The following RALGPS2 variants were observed in gnomAD, a reference collection of about 807,000 sequenced individuals.
RALGPS2 encodes ras-specific guanine nucleotide-releasing factor RalGPS2.
In RALGPS2, 43 loss-of-function variants were observed where a neutral mutation model predicts 86.8. That is an observed-to-expected ratio of 0.50 (90% confidence interval 0.39 to 0.64). The LOEUF (loss-of-function observed/expected upper bound fraction) is 0.64, where lower values mean the gene tolerates loss of function less well. Among genes scored for constraint, RALGPS2 ranks in the 30% least tolerant of loss-of-function variants. The pLI is 0.00. For missense variants in RALGPS2, 536 were observed against 694.6 expected (o/e 0.77, Z 2.57); for synonymous variants, 243 against 231.3 (o/e 1.05, Z -0.46).
intron 8 of RALGPS2, among the ~76,000 whole-genome samples, chr1:178,870,172 G>A (rs1450317587): frequency 1.3e-5 from 2 of 152,130 alleles, no homozygotes; most frequent in South Asian, 2.1e-4. Flanking sequence ...AAATGCCATA[G>A]ATTAATCTTA....
At chr1:178,902,994 A>T (rs1660240790) in intron 18 of RALGPS2, among the ~76,000 whole-genome samples, 1 of 152,128 alleles carries the variant, frequency 6.6e-6, no homozygotes, top group Non-Finnish European at 1.5e-5. Flanking sequence ...GTATAATCAC[A>T]TCATATGTTC....
chr1:178,745,261 A>G lies in RALGPS2; in HGVS notation c.-84+19842A>G, dbSNP rs908787947. Reference sequence around the variant, plus strand: ...TTTTGGCGGTGGGGTGGGGGAATAGAAATTGGCAAGCTGATTCTAAAATTC... The same window carrying G: ...TTTTGGCGGTGGGGTGGGGGAATAGGAATTGGCAAGCTGATTCTAAAATTC... On this transcript the variant is annotated intron_variant, in intron 1 of 19. Coordinates refer to ENST00000367635, the MANE Select transcript of RALGPS2 (RefSeq NM_152663.5). Among the ~76,000 whole-genome samples, 16 of 147,986 alleles carry G rather than the reference A, an allele frequency of 1.1e-4. 1 individual carries two copies. The highest frequency in any genetic ancestry group is 4.6e-4 in the Admixed American group (7 of 15,110).
Position 178,849,481 on chromosome 1 carries a change from G to A in RALGPS2, c.607+15931G>A, listed in dbSNP as rs183065641. 1.8e-3 allele frequency among the ~76,000 whole-genome samples: 274 copies of A among 152,272 alleles called. 1 individual carries two copies. Among genetic ancestry groups the A allele is most frequent in the African/African-American group, 3.5e-3 (146 of 41,554 alleles). ...TATTCTTCTGTGAAAATTCTGTAAG[G>A]CTTGTCTTTGATAAAGTTTTGGGTG... On this transcript the variant is annotated intron_variant, in intron 8 of 19. Coordinates refer to ENST00000367635, the MANE Select transcript of RALGPS2 (RefSeq NM_152663.5).
intron 1 of RALGPS2, among the ~76,000 whole-genome samples, chr1:178,745,702 T>C (rs1651276886): frequency 6.6e-6 from 1 of 152,146 alleles, no homozygotes; most frequent in Admixed American, 6.6e-5. Flanking sequence ...ATCTTTATCT[T>C]GAGTCAAGCA....
intron 1 of RALGPS2, among the ~76,000 whole-genome samples, chr1:178,732,874 G>C (rs1008313275): frequency 4.0e-5 from 6 of 151,860 alleles, no homozygotes; most frequent in African/African-American, 1.5e-4. Flanking sequence ...TTGCATTCCT[G>C]AGTTAAACCC....
intron 19 of RALGPS2, among the ~76,000 whole-genome samples, chr1:178,913,046 C>G (rs1660682869): frequency 6.6e-6 from 1 of 152,036 alleles, no homozygotes; most frequent in Admixed American, 6.6e-5. Context: ...CTTTGGGAGG[C>G]CAAGGCAGGC....
At chr1:178,782,159 C>T (rs1653424868) in intron 2 of RALGPS2, among the ~76,000 whole-genome samples, 1 of 152,160 alleles carries the variant, frequency 6.6e-6, no homozygotes, top group Non-Finnish European at 1.5e-5. Flanking sequence ...CTTACGGGAG[C>T]AGAAGTCAGT....
At position 178,839,838 on chromosome 1, in the gene RALGPS2, A is replaced by G. The variant is rs559150674; in HGVS notation, c.607+6288A>G. ...AAGATCTGCCAAGCAAATGGAAAACAAAAAAAGGGGTTGCGATCCTAGTCT... is the reference window on the plus strand; with the variant it reads ...AAGATCTGCCAAGCAAATGGAAAACGAAAAAAGGGGTTGCGATCCTAGTCT... On this transcript the variant is annotated intron_variant, in intron 8 of 19. Coordinates refer to ENST00000367635, the MANE Select transcript of RALGPS2 (RefSeq NM_152663.5). Among the ~76,000 whole-genome samples the G allele has an allele frequency of 1.2e-3, 180 of 152,302 alleles. 2 individuals are homozygous for G. Among genetic ancestry groups the G allele is most frequent in the African/African-American group, 3.9e-3 (161 of 41,566 alleles).
At position 178,773,122 on chromosome 1, in the gene RALGPS2, C is replaced by T. The variant is rs755747965; in HGVS notation, c.-83-3560C>T. Among the ~76,000 whole-genome samples the T allele has an allele frequency of 5.9e-5, 9 of 152,182 alleles. 1 individual carries two copies. The highest frequency in any genetic ancestry group is 1.5e-5 in the Non-Finnish European group (1 of 68,028). On this transcript the variant is annotated intron_variant, in intron 1 of 19. Transcript: ENST00000367635. ...TGGCCTATTTTTAAACTTTTCTTTA[C>T]ACTTTGAGAAATAACGTCTGCTATT...
chr1:178,796,028 CGCT>C (rs1356964567), intron 4 of RALGPS2, among the ~76,000 whole-genome samples: 3 of 152,140 alleles, frequency 2.0e-5, no homozygotes, highest in East Asian at 3.9e-4. Context: ...AGCGAGTTGC[CGCT>C]GTTTTGTCAG....
chr1:178,902,034 C>A, intron 17 of RALGPS2, 72 bp from the exon 18 acceptor site: 2 of 1,092,794 alleles, frequency 1.8e-6, no homozygotes, highest in East Asian at 2.4e-5. Context: ...AAAATACACT[C>A]CCTAACACTG....
intron 1 of RALGPS2, among the ~76,000 whole-genome samples, chr1:178,749,761 G>A (rs1404685288): frequency 2.0e-5 from 3 of 152,026 alleles, no homozygotes; most frequent in Non-Finnish European, 2.9e-5. Flanking sequence ...GAGGTAGAGA[G>A]TGCCTTACTT....
intron 7 of RALGPS2, among the ~76,000 whole-genome samples, chr1:178,826,188 A>G (rs1655735788): frequency 6.6e-6 from 1 of 152,214 alleles, no homozygotes; most frequent in Non-Finnish European, 1.5e-5. Flanking sequence ...TAAGAGCATC[A>G]AGGAAAAGGA....
chr1:178,742,467 C>T (rs912127402), intron 1 of RALGPS2, among the ~76,000 whole-genome samples: 78 of 152,078 alleles, frequency 5.1e-4, no homozygotes, highest in African/African-American at 1.6e-3. Flanking sequence ...GAAACAAAAA[C>T]GGATAGTATT....
intron 7 of RALGPS2, among the ~76,000 whole-genome samples, chr1:178,824,296 G>T (rs1304423498): frequency 2.6e-5 from 4 of 152,118 alleles, no homozygotes; most frequent in Non-Finnish European, 5.9e-5. Context: ...AGTGTGGTTT[G>T]CAGAGAAATA....
At chr1:178,812,963 C>T (rs1295056597) in intron 6 of RALGPS2, among the ~76,000 whole-genome samples, 5 of 127,718 alleles carry the variant, frequency 3.9e-5, no homozygotes, top group East Asian at 2.2e-4. Flanking sequence ...GGTGGTGTTG[C>T]GCTCTGTGGC....
chr1:178,853,277 G>C (rs1657302277), intron 8 of RALGPS2: 14 of 932,042 alleles, frequency 1.5e-5, no homozygotes, highest in Non-Finnish European at 1.8e-5. Context: ...CCTTAAAAAG[G>C]GTTCCTGGTC....
chr1:178,731,140 T>C (rs1650322412), intron 1 of RALGPS2, among the ~76,000 whole-genome samples: 1 of 152,034 alleles, frequency 6.6e-6, no homozygotes, highest in African/African-American at 2.4e-5. Flanking sequence ...ATTTGTGAGA[T>C]GTGTGTATTG....
Position 178,848,775 on chromosome 1 carries a change from GGCA to G in RALGPS2, c.607+15226_607+15228del, listed in dbSNP as rs570108466. Reference sequence around the variant, plus strand: ...AGCCTCCCGAGTAGCTGGGTTTACAGGCATGTGCCACATCTGGCTAATTTTTGT... The same window carrying G: ...AGCCTCCCGAGTAGCTGGGTTTACAGTGTGCCACATCTGGCTAATTTTTGT... On this transcript the variant is annotated intron_variant, in intron 8 of 19. Coordinates refer to ENST00000367635, the MANE Select transcript of RALGPS2 (RefSeq NM_152663.5). Among the ~76,000 whole-genome samples, 347 of 152,216 alleles carry G rather than the reference GGCA, an allele frequency of 2.3e-3. 1 individual carries two copies. The highest frequency in any genetic ancestry group is 8.0e-3 in the African/African-American group (334 of 41,530).
Sources: gnomAD v4.1 joint callset for allele counts (sites outside exome capture counted in the v4.1 genomes callset) on GRCh38, gnomAD v4.1.1 for gene constraint, MANE v1.5 for transcripts, NCBI Gene and HGNC (gene_info 2026-07-23, HGNC 2026-07-21) for gene names.